Variants in FHOD3 observed in about 807,000 individuals in gnomAD.
FHOD3 encodes the protein FH1/FH2 domain-containing protein 3.
In FHOD3, 90 loss-of-function variants were observed where a neutral mutation model predicts 173.0. That is an observed-to-expected ratio of 0.52 (90% CI 0.44 to 0.62). The LOEUF (loss-of-function observed/expected upper bound fraction) is 0.62. Among genes scored for constraint, FHOD3 ranks in the 20% least tolerant of loss-of-function variants. The pLI is 0.00. For synonymous variants in FHOD3, 828 were observed against 823.0 expected, an observed-to-expected ratio of 1.01 and a Z score of -0.10; for missense variants, 1,945 against 2,034.7, an observed-to-expected ratio of 0.96 and a Z score of 0.85.
intron 1 of FHOD3, among the ~76,000 whole-genome samples, chr18:36,335,493 TAA>T (rs56991651): frequency 1.2e-4 from 15 of 128,966 alleles, no homozygotes; most frequent in Admixed American, 2.4e-4. Flanking sequence ...AGACTCCGTC[TAA>T]AAAAAAAAAA....
intron 3 of FHOD3, among the ~76,000 whole-genome samples, chr18:36,399,536 A>G (rs7237605): frequency 0.45 from 67,188 of 149,770 alleles, 15,329 homozygotes; most frequent in East Asian, 0.68. Context: ...CCAGAGCTCC[A>G]CTCTTATCTT....
Position 36,512,521 on chromosome 18 carries a change from C to T in FHOD3, c.489C>T (p.Asn163=). ...LIKVGAEADQ[N]YQNYILRALG... is the part of the protein sequence containing the mutation. The stretch of plus-strand genomic sequence containing the variant: ...AGGTGGGAGCTGAGGCTGATCAGAA[C>T]TATCAGAACTACATCTTAAGGGGTA... The change falls in exon 5 of 29, where the codon AAC becomes AAT. Residue 163 remains asparagine (N), a synonymous_variant. Transcript: ENST00000590592. 1.2e-6 allele frequency: 2 copies of T among 1,613,808 alleles called. No homozygotes were observed. Among genetic ancestry groups the T allele is most frequent in the Non-Finnish European group, 1.7e-6 (2 of 1,179,776 alleles).
At chr18:36,550,507 G>C (rs1483940290) in intron 5 of FHOD3, among the ~76,000 whole-genome samples, 7 of 151,454 alleles carry the variant, frequency 4.6e-5, no homozygotes, top group Non-Finnish European at 7.4e-5. Flanking sequence ...ACTTTGATTG[G>C]GAATGTATTA....
chr18:36,718,575 G>A lies in FHOD3; in HGVS notation c.3277G>A (p.Val1093Ile), dbSNP rs766811453. Residue 1093 changes from valine (V) to isoleucine (I), a missense_variant, in exon 19 of 29, where the codon GTT becomes ATT. By Grantham distance (29) the Val-to-Ile change is conservative. This residue lies in a region of FHOD3 where 231 missense variants were observed against 321.9 expected (regional missense o/e 0.72). Transcript: ENST00000590592. The stretch of plus-strand genomic sequence containing the variant: ...GACCATCCGTTTGTTCTGGAATGAA[G>A]TTCGGCCTTTTGACTGGCCATGTAA... The part of the protein sequence containing the change: ...KKTIRLFWNE[V>I]RPFDWPCKNN... 6.2e-7 allele frequency: 1 copy of A among 1,614,204 alleles called. No individual in the cohort carries two copies. Among genetic ancestry groups the A allele is most frequent in the Non-Finnish European group, 8.5e-7 (1 of 1,180,046 alleles).
intron 3 of FHOD3, among the ~76,000 whole-genome samples, chr18:36,495,583 G>C (rs1437706544): frequency 1.3e-5 from 2 of 152,274 alleles, no homozygotes; most frequent in African/African-American, 4.8e-5. Context: ...ACTTTATTTT[G>C]CTTTGCCTGA....
chr18:36,329,981 A>G lies in FHOD3; in HGVS notation c.166-25558A>G, dbSNP rs1053826232. Among the ~76,000 whole-genome samples, 9 of 152,188 alleles carry G rather than the reference A, an allele frequency of 5.9e-5. 1 individual carries two copies. Among genetic ancestry groups the G allele is most frequent in the African/African-American group, 2.2e-4 (9 of 41,438 alleles). ...CTCTGAAGAAAGAATGCAGTGATTG[A>G]TGAGTCAGGTCTACCAGGGAAGGTG... On this transcript the variant is annotated intron_variant, in intron 1 of 28. Transcript: ENST00000590592.
At chr18:36,767,343 A>G (rs1409770929) in intron 27 of FHOD3, among the ~76,000 whole-genome samples, 4 of 152,086 alleles carry the variant, frequency 2.6e-5, no homozygotes. Flanking sequence ...AACGGAAATC[A>G]GAGTCTCACT....
chr18:36,742,585 C>A, intron 21 of FHOD3, 152 bp from the exon 22 acceptor site: 1 of 833,954 alleles, frequency 1.2e-6, no homozygotes, highest in Non-Finnish European at 1.8e-6. Flanking sequence ...CTCCCTGCCA[C>A]ACGTTTCCAT....
intron 14 of FHOD3, among the ~76,000 whole-genome samples, chr18:36,678,524 C>CAAAAAAAAAAAAAAAAAAAA (rs58064190): frequency 2.8e-5 from 2 of 71,152 alleles, no homozygotes; most frequent in Admixed American, 1.8e-4. Context: ...GACCCTGTCT[C>CAAAAAAAAAAAAAAAAAAAA]AAAAAAAAAA....
At chr18:36,696,053 C>T (rs566537179) in intron 17 of FHOD3, among the ~76,000 whole-genome samples, 2 of 152,272 alleles carry the variant, frequency 1.3e-5, no homozygotes, top group East Asian at 1.9e-4. Flanking sequence ...AATCATAATA[C>T]GCTTCACATT....
chr18:36,410,356 C>T (rs555516746), intron 3 of FHOD3, among the ~76,000 whole-genome samples: 1 of 152,276 alleles, frequency 6.6e-6, no homozygotes, highest in African/African-American at 2.4e-5. Flanking sequence ...CTTTTTGTGG[C>T]TAATATTCCA....
intron 1 of FHOD3, among the ~76,000 whole-genome samples, chr18:36,317,646 A>G (rs1464671709): frequency 6.6e-6 from 1 of 152,138 alleles, no homozygotes; most frequent in African/African-American, 2.4e-5. Flanking sequence ...AGATGGATAG[A>G]TTGCAAAAAT....
chr18:36,344,355 G>T (rs1334045087), intron 1 of FHOD3, among the ~76,000 whole-genome samples: 2 of 152,096 alleles, frequency 1.3e-5, no homozygotes, highest in Admixed American at 1.3e-4. Flanking sequence ...ATCTCAAAAG[G>T]TATAGCTGGC....
At chr18:36,623,414 A>G (rs2033860802) in intron 9 of FHOD3, among the ~76,000 whole-genome samples, 1 of 152,242 alleles carries the variant, frequency 6.6e-6, no homozygotes, top group Admixed American at 6.5e-5. Flanking sequence ...AATGAAAAAA[A>G]CATTGGCTAG....
At chr18:36,724,844 G>T (rs2040975356) in intron 19 of FHOD3, among the ~76,000 whole-genome samples, 1 of 152,342 alleles carries the variant, frequency 6.6e-6, no homozygotes, top group Non-Finnish European at 1.5e-5. Context: ...GCTCCCGGTA[G>T]TTGGAGCTCC....
At chr18:36,372,976 G>C (rs1235229795) in intron 3 of FHOD3, among the ~76,000 whole-genome samples, 1 of 152,116 alleles carries the variant, frequency 6.6e-6, no homozygotes, top group Non-Finnish European at 1.5e-5. Context: ...CTGGTGAGGT[G>C]CCTTTTGGCA....
intron 5 of FHOD3, among the ~76,000 whole-genome samples, chr18:36,548,116 C>G (rs1157128208): frequency 6.6e-6 from 1 of 152,080 alleles, no homozygotes; most frequent in Non-Finnish European, 1.5e-5. Flanking sequence ...CGCTTGAACC[C>G]AGGAGGCGGA....
intron 2 of FHOD3, among the ~76,000 whole-genome samples, chr18:36,356,106 A>G (rs945256703): frequency 6.6e-6 from 1 of 152,218 alleles, no homozygotes; most frequent in Non-Finnish European, 1.5e-5. Flanking sequence ...CTAAAAGTGA[A>G]TAAATAAATG....
At chr18:36,739,449 G>A (rs2041800043) in intron 20 of FHOD3, among the ~76,000 whole-genome samples, 1 of 152,096 alleles carries the variant, frequency 6.6e-6, no homozygotes, top group Admixed American at 6.5e-5. Flanking sequence ...AACCATCCCA[G>A]GCTAAGTCCC....
Sources: allele counts gnomAD v4.1 joint callset (sites outside exome capture counted in the v4.1 genomes callset), GRCh38; gene constraint gnomAD v4.1.1; regional missense constraint gnomAD v4.1.1; transcripts MANE v1.5; gene names NCBI Gene and HGNC (gene_info 2026-07-23, HGNC 2026-07-21).